SNTB1: variants seen among roughly 807,000 people sequenced by gnomAD.
SNTB1 encodes beta-1-syntrophin.
Under a neutral mutation model 48.9 loss-of-function variants are expected in SNTB1, and 36 were observed. The ratio of observed to expected loss-of-function variants is 0.74; its 90% CI spans 0.56 to 0.97. The LOEUF is 0.97. Ranked by LOEUF, SNTB1 falls within the 50% of genes least tolerant of loss-of-function variation. The pLI is 0.00. For missense variants in SNTB1, 786 were observed against 703.4 expected (o/e 1.12, Z -1.33); for synonymous variants, 299 against 294.6 (o/e 1.01, Z -0.15).
At chr8:120,544,429 C>T (rs1008039118) in intron 5 of SNTB1, among the ~76,000 whole-genome samples, 1 of 152,178 alleles carries the variant, frequency 6.6e-6, no homozygotes, top group Admixed American at 6.5e-5. Context: ...ACATAGACCT[C>T]TTTCCCCAAC....
intron 3 of SNTB1, among the ~76,000 whole-genome samples, chr8:120,593,255 G>A (rs1816272628): frequency 6.6e-6 from 1 of 152,176 alleles, no homozygotes; most frequent in Non-Finnish European, 1.5e-5. Flanking sequence ...CACTGAAGCA[G>A]GCACCGAAAG....
chr8:120,543,275 A>G (rs979875764), intron 5 of SNTB1, among the ~76,000 whole-genome samples: 1 of 152,196 alleles, frequency 6.6e-6, no homozygotes, highest in Non-Finnish European at 1.5e-5. Flanking sequence ...CACCACATTT[A>G]ACAGACCTGA....
At chr8:120,762,096 C>T (rs1005149460) in intron 1 of SNTB1, among the ~76,000 whole-genome samples, 12 of 152,158 alleles carry the variant, frequency 7.9e-5, no homozygotes, top group African/African-American at 2.7e-4. Flanking sequence ...TAGAAGCCAC[C>T]ATTGCAATGA....
intron 4 of SNTB1, among the ~76,000 whole-genome samples, chr8:120,571,515 T>G (rs1389381905): frequency 1.5e-5 from 1 of 68,588 alleles, no homozygotes; most frequent in Non-Finnish European, 2.7e-5. Flanking sequence ...TTTTTTTTTT[T>G]GAGACAGAGT....
chr8:120,772,273 T>A (rs1273671563), intron 1 of SNTB1, among the ~76,000 whole-genome samples: 1 of 149,926 alleles, frequency 6.7e-6, no homozygotes, highest in Non-Finnish European at 1.5e-5. Flanking sequence ...TGAGACAGAG[T>A]CTCACTATGC....
intron 1 of SNTB1, among the ~76,000 whole-genome samples, chr8:120,790,081 C>T (rs1819999375): frequency 6.6e-6 from 1 of 151,870 alleles, no homozygotes; most frequent in African/African-American, 2.4e-5. Flanking sequence ...AGGCCTGTTT[C>T]AACATGTGAA....
chr8:120,648,628 T>A (rs1412211278), intron 2 of SNTB1, among the ~76,000 whole-genome samples: 2 of 151,968 alleles, frequency 1.3e-5, no homozygotes, highest in African/African-American at 4.8e-5. Flanking sequence ...CTTTGGTGAA[T>A]CTGACAATTG....
intron 2 of SNTB1, among the ~76,000 whole-genome samples, chr8:120,649,757 TC>T (rs1357161443): frequency 6.6e-6 from 1 of 152,036 alleles, no homozygotes; most frequent in African/African-American, 2.4e-5. Flanking sequence ...CGGGCGCCCC[TC>T]CCCCAGCCTA....
chr8:120,775,639 GAAGGAAGGAAAGA>G (rs1209117830), intron 1 of SNTB1: 2 of 150,540 alleles, frequency 1.3e-5, no homozygotes, highest in Admixed American at 6.6e-5. Flanking sequence ...ATGAAAGAAG[GAAGGAAGGAAAGA>G]AAGGAAGGAA....
intron 1 of SNTB1, among the ~76,000 whole-genome samples, chr8:120,804,691 C>T (rs1301637794): frequency 6.6e-6 from 1 of 152,164 alleles, no homozygotes; most frequent in African/African-American, 2.4e-5. Context: ...AAACTTTACC[C>T]TCAATCTGAA....
intron 2 of SNTB1, among the ~76,000 whole-genome samples, chr8:120,648,773 G>T (rs1445205307): frequency 2.6e-5 from 4 of 152,134 alleles, no homozygotes; most frequent in Non-Finnish European, 5.9e-5. Flanking sequence ...TTCCAACTTG[G>T]TTCCATTCTC....
intron 3 of SNTB1, among the ~76,000 whole-genome samples, chr8:120,580,457 T>C (rs1358252237): frequency 1.3e-5 from 2 of 152,168 alleles, no homozygotes; most frequent in East Asian, 3.9e-4. Flanking sequence ...TAAAACTTCC[T>C]ACATGATGGG....
chr8:120,667,589 C>G (rs1028430154), intron 2 of SNTB1, among the ~76,000 whole-genome samples: 11 of 152,050 alleles, frequency 7.2e-5, no homozygotes, highest in Non-Finnish European at 1.6e-4. Context: ...TGGTGTTTGG[C>G]CTTAAGCAAT....
chr8:120,734,508 T>G (rs2129986137), intron 1 of SNTB1, among the ~76,000 whole-genome samples: 1 of 152,186 alleles, frequency 6.6e-6, no homozygotes, highest in East Asian at 1.9e-4. Context: ...ATTGAATGCT[T>G]GCTATGCGCC....
chr8:120,551,264 A>G (rs1035447322), intron 4 of SNTB1, among the ~76,000 whole-genome samples: 6 of 151,570 alleles, frequency 4.0e-5, no homozygotes, highest in Non-Finnish European at 8.8e-5. Context: ...CAAAAAAAAA[A>G]AAAAAAAAGA....
intron 2 of SNTB1, among the ~76,000 whole-genome samples, chr8:120,672,640 C>T (rs1817777169): frequency 6.6e-6 from 1 of 152,190 alleles, no homozygotes; most frequent in African/African-American, 2.4e-5. Context: ...CAGAAATACA[C>T]TCAAAGGCAC....
chr8:120,559,033 A>G lies in SNTB1; in HGVS notation c.1137-10075T>C, dbSNP rs116361834. On this transcript the variant is annotated intron_variant, in intron 4 of 6. Transcript: ENST00000517992. The stretch of plus-strand genomic sequence containing the variant: ...CCCAAGAAGTTTGTGATTAATGACT[A>G]CTACATGACTCCTCTCCCACTCTCA... Among the ~76,000 whole-genome samples the G allele has an allele frequency of 1.8e-3, 269 of 152,348 alleles. 1 individual carries two copies. Among genetic ancestry groups the G allele is most frequent in the African/African-American group, 6.2e-3 (256 of 41,592 alleles).
At chr8:120,604,457 CTTT>C (rs60947708) in intron 3 of SNTB1, among the ~76,000 whole-genome samples, 19 of 132,940 alleles carry the variant, frequency 1.4e-4, no homozygotes, top group Admixed American at 7.7e-5. Flanking sequence ...GCTTTTGCTT[CTTT>C]TTTTTTTTTT....
chr8:120,551,725 CAAAAAAA>C (rs764008790), intron 4 of SNTB1, among the ~76,000 whole-genome samples: 145 of 42,838 alleles, frequency 3.4e-3, no homozygotes, highest in African/African-American at 0.012. Context: ...GACTCCATCT[CAAAAAAA>C]AAAAAAAAAA....
Sources: gnomAD v4.1 joint callset for allele counts (sites outside exome capture counted in the v4.1 genomes callset) on GRCh38, gnomAD v4.1.1 for gene constraint, MANE v1.5 for transcripts, NCBI Gene and HGNC (gene_info 2026-07-23, HGNC 2026-07-21) for gene names.